FTCDNL1: variants seen among roughly 807,000 people sequenced by gnomAD.
FTCDNL1 encodes the protein formiminotransferase N-terminal subdomain-containing protein.
A neutral mutation model predicts 5.9 loss-of-function variants in FTCDNL1; 11 were observed. The observed-to-expected ratio is 1.87, with a 90% CI of 1.18 to 3.10. FTCDNL1 has a LOEUF of 3.10. Ranked by LOEUF, FTCDNL1 falls within the 30% of genes most tolerant of loss-of-function variation. The pLI, the probability that FTCDNL1 is intolerant of heterozygous loss-of-function variation, is 0.00. For synonymous variants in FTCDNL1, 58 were observed against 24.8 expected, an observed-to-expected ratio of 2.34 and a Z score of -3.99; for missense variants, 115 against 65.5, an observed-to-expected ratio of 1.76 and a Z score of -2.61.
chr2:199,669,407 C>T, the FTCDNL1 span, among the ~76,000 whole-genome samples: 1 of 152,172 alleles, frequency 6.6e-6, no homozygotes, highest in East Asian at 1.9e-4. Context: ...GCCCCATGAC[C>T]ATTCCCTTCT....
the FTCDNL1 span, among the ~76,000 whole-genome samples, chr2:199,723,911 G>A: frequency 6.6e-6 from 1 of 152,110 alleles, no homozygotes; most frequent in South Asian, 2.1e-4. Context: ...AATGAGTTAG[G>A]GAGGAGTCCC....
chr2:199,842,174 A>G (rs2076607317), intron 3 of FTCDNL1, among the ~76,000 whole-genome samples: 3 of 151,874 alleles, frequency 2.0e-5, no homozygotes, highest in African/African-American at 2.4e-5. Context: ...AGGCTGAGGC[A>G]TGAGAATCAC....
At chr2:199,778,913 A>T (rs1699221919) in intron 3 of FTCDNL1, among the ~76,000 whole-genome samples, 1 of 152,224 alleles carries the variant, frequency 6.6e-6, no homozygotes, top group Admixed American at 6.5e-5. Flanking sequence ...TAAATAGCTC[A>T]GGGAAGCCTT....
intron 3 of FTCDNL1, among the ~76,000 whole-genome samples, chr2:199,777,009 G>C (rs1263667697): frequency 7.0e-6 from 1 of 143,710 alleles, no homozygotes; most frequent in African/African-American, 2.6e-5. Context: ...TGTGTGTATT[G>C]AGGCCAGGTA....
chr2:199,768,916 C>T (rs1209067473), intron 3 of FTCDNL1, among the ~76,000 whole-genome samples: 2 of 152,130 alleles, frequency 1.3e-5, no homozygotes, highest in Non-Finnish European at 2.9e-5. Flanking sequence ...GCATCGTGGG[C>T]ACCCTCACCA....
chr2:199,830,704 G>A lies in FTCDNL1; in HGVS notation c.212-10947C>T, dbSNP rs147160432. Among the ~76,000 whole-genome samples the A allele has an allele frequency of 1.6e-3, 238 of 152,158 alleles. 8 individuals carry two copies. The East Asian group carries it at 0.041, about 26-fold the overall frequency. Reference sequence around the variant, plus strand: ...AACACAAACACTGCATTAACAAAGCGACCGCAATATTCCTCCCCCACATGG... The same window carrying A: ...AACACAAACACTGCATTAACAAAGCAACCGCAATATTCCTCCCCCACATGG... On this transcript the variant is annotated intron_variant, in intron 3 of 4. Transcript: ENST00000420128.
chr2:199,792,889 C>T (rs576634973), intron 3 of FTCDNL1, among the ~76,000 whole-genome samples: 45 of 152,180 alleles, frequency 3.0e-4, no homozygotes, highest in African/African-American at 1.0e-3. Flanking sequence ...AGTAATTTAA[C>T]CATCAATACT....
In FTCDNL1 at chr2:199,850,848, G is replaced by C. The variant is rs988004745; in HGVS notation, c.-116C>G. On this transcript the variant is annotated 5_prime_UTR_variant, in exon 1 of 5. Coordinates refer to ENST00000420128, the MANE Select transcript of FTCDNL1 (RefSeq NM_001363886.2). The stretch of plus-strand genomic sequence containing the variant: ...ACCCCGCTGCTGGGATTCCCTGCGC[G>C]GTGCCGACTAGGTTCCTGGGTGGAG... The C allele has an allele frequency of 5.9e-5, 9 of 152,372 alleles. No homozygotes were observed. The highest frequency in any genetic ancestry group is 1.9e-4 in the African/African-American group (8 of 41,560). The allele number at this position is 152,372 out of a possible 1,614,324, so 9.4% of individuals were successfully genotyped here.
the FTCDNL1 span, among the ~76,000 whole-genome samples, chr2:199,706,729 C>T: frequency 4.6e-5 from 7 of 152,188 alleles, no homozygotes; most frequent in African/African-American, 7.2e-5. Context: ...GACAGCTGCA[C>T]GACTCACAGC....
intron 3 of FTCDNL1, among the ~76,000 whole-genome samples, chr2:199,840,485 T>C (rs1271806693): frequency 3.9e-5 from 6 of 152,070 alleles, no homozygotes; most frequent in Non-Finnish European, 7.4e-5. Flanking sequence ...TGTGTGAGTG[T>C]GTGTGTGTTA....
At chr2:199,780,752 C>T (rs2106325336) in intron 3 of FTCDNL1, among the ~76,000 whole-genome samples, 1 of 152,310 alleles carries the variant, frequency 6.6e-6, no homozygotes, top group Admixed American at 6.5e-5. Context: ...CAGGGGAATA[C>T]CAAGAGATGC....
chr2:199,797,220 A>G (rs1375646381), intron 3 of FTCDNL1, among the ~76,000 whole-genome samples: 1 of 152,230 alleles, frequency 6.6e-6, no homozygotes, highest in Non-Finnish European at 1.5e-5. Context: ...AGTGGAGGCT[A>G]AATCTTATTT....
chr2:199,711,371 C>CGG, the FTCDNL1 span, among the ~76,000 whole-genome samples: 2 of 65,074 alleles, frequency 3.1e-5, no homozygotes, highest in African/African-American at 1.5e-4. Flanking sequence ...TGTGAGGGGG[C>CGG]GGGGGGGGGA....
chr2:199,830,388 A>G (rs2860066), intron 3 of FTCDNL1, among the ~76,000 whole-genome samples: 1 of 152,336 alleles, frequency 6.6e-6, no homozygotes, highest in East Asian at 1.9e-4. Context: ...CAGACTAGGA[A>G]AAATTATTCT....
At chr2:199,748,491 C>T in the FTCDNL1 span, among the ~76,000 whole-genome samples, 4 of 152,176 alleles carry the variant, frequency 2.6e-5, no homozygotes, top group African/African-American at 9.7e-5. Context: ...GAAGCCACCT[C>T]TTTCCTTATC....
chr2:199,845,503 A>C (rs2076707476), intron 3 of FTCDNL1, among the ~76,000 whole-genome samples: 2 of 152,064 alleles, frequency 1.3e-5, no homozygotes, highest in Non-Finnish European at 2.9e-5. Flanking sequence ...CCCCGGAGGC[A>C]GAGGTTGCAG....
intron 3 of FTCDNL1, among the ~76,000 whole-genome samples, chr2:199,795,062 G>A (rs1218349806): frequency 2.0e-5 from 3 of 152,140 alleles, no homozygotes; most frequent in Non-Finnish European, 4.4e-5. Flanking sequence ...CTTAACTTCA[G>A]TTAAGCATTA....
At chr2:199,687,323 C>T in the FTCDNL1 span, among the ~76,000 whole-genome samples, 1 of 152,138 alleles carries the variant, frequency 6.6e-6, no homozygotes, top group African/African-American at 2.4e-5. Context: ...ATTTAATGCA[C>T]AGCTAAATGT....
chr2:199,694,585 G>A, the FTCDNL1 span, among the ~76,000 whole-genome samples: 2 of 152,172 alleles, frequency 1.3e-5, no homozygotes, highest in African/African-American at 4.8e-5. Context: ...AAGCACTTTG[G>A]AAGGCTGAGG....
Sources: allele counts gnomAD v4.1 joint callset (sites outside exome capture counted in the v4.1 genomes callset), GRCh38; gene constraint gnomAD v4.1.1; transcripts MANE v1.5; gene names NCBI Gene and HGNC (gene_info 2026-07-23, HGNC 2026-07-21).